MIS18A: variants seen among roughly 807,000 people sequenced by gnomAD.
MIS18A encodes MIS18 kinetochore protein A.
Under a neutral mutation model 25.0 loss-of-function variants are expected in MIS18A, and 14 were observed. That is an observed-to-expected ratio of 0.56 (90% CI 0.37 to 0.88). The LOEUF (loss-of-function observed/expected upper bound fraction) is 0.88. Among genes scored for constraint, MIS18A ranks in the 40% least tolerant of loss-of-function variants. MIS18A has a pLI of 0.00. For missense variants in MIS18A, 292 were observed against 290.8 expected (o/e 1.00, Z -0.03); for synonymous variants, 134 against 118.6 (o/e 1.13, Z -0.84).
At chr21:32,231,221 G>T in the MIS18A span, among the ~76,000 whole-genome samples, 1 of 144,436 alleles carries the variant, frequency 6.9e-6, no homozygotes, top group Admixed American at 7.0e-5. Context: ...AGGCGACACA[G>T]CGAGACCCTG....
chr21:32,273,437 C>T (rs910420781), intron 2 of MIS18A, among the ~76,000 whole-genome samples: 1 of 152,008 alleles, frequency 6.6e-6, no homozygotes. Context: ...AGAAGCCCCC[C>T]AGCCACAGTC....
the MIS18A span, among the ~76,000 whole-genome samples, chr21:32,211,337 G>C: frequency 2.0e-5 from 3 of 152,214 alleles, no homozygotes; most frequent in Non-Finnish European, 4.4e-5. Flanking sequence ...CATCATCCCT[G>C]ACTGGGCAGG....
chr21:32,203,099 AC>A, the MIS18A span, among the ~76,000 whole-genome samples: 1 of 151,890 alleles, frequency 6.6e-6, no homozygotes, highest in Non-Finnish European at 1.5e-5. Flanking sequence ...TTTTAAAAGT[AC>A]CCCCCAAATA....
At chr21:32,203,729 A>C in the MIS18A span, among the ~76,000 whole-genome samples, 1 of 142,848 alleles carries the variant, frequency 7.0e-6, no homozygotes, top group East Asian at 2.1e-4. Flanking sequence ...TGATCCTCCC[A>C]CTTCAGCCTC....
In MIS18A at chr21:32,274,889, G is replaced by C; in HGVS notation, c.342C>G (p.Ser114=). The C allele has an allele frequency of 6.2e-7, 1 of 1,611,282 alleles. No homozygotes were observed. Among genetic ancestry groups the C allele is most frequent in the Non-Finnish European group, 8.5e-7 (1 of 1,178,084 alleles). The change falls in exon 2 of 5, where the codon TCC becomes TCG. Residue 114 remains serine (S), a synonymous_variant. Transcript: ENST00000290130. ...GTTCCTTATCCACAGAAACATTACA[G>C]GAAACACCTAGAAACAGAGAAAGTA... is the stretch of plus-strand genomic sequence containing the variant. ...DTNCILLRCV[S]CNVSVDKEQK...
chr21:32,161,536 G>C, the MIS18A span, among the ~76,000 whole-genome samples: 1 of 151,804 alleles, frequency 6.6e-6, no homozygotes, highest in Admixed American at 6.6e-5. Context: ...TGTCAACCCA[G>C]GCTGGAGTGC....
chr21:32,240,012 G>A, the MIS18A span, among the ~76,000 whole-genome samples: 3 of 152,202 alleles, frequency 2.0e-5, no homozygotes, highest in Non-Finnish European at 2.9e-5. Context: ...AAATAAATAA[G>A]TAGGCATCCT....
the MIS18A span, among the ~76,000 whole-genome samples, chr21:32,229,125 CTA>C: frequency 6.6e-6 from 1 of 152,090 alleles, no homozygotes; most frequent in Admixed American, 6.6e-5. Context: ...TTCTTAATTA[CTA>C]TGTTTCTTAG....
chr21:32,273,115 CT>C (rs879786505), intron 2 of MIS18A, among the ~76,000 whole-genome samples: 1,474 of 134,186 alleles, frequency 0.011, 12 homozygotes, highest in African/African-American at 0.029. Context: ...AACTTTTTTT[CT>C]TTTTTTTTTT....
chr21:32,277,456 C>CT (rs896985640), intron 1 of MIS18A, among the ~76,000 whole-genome samples: 20 of 151,974 alleles, frequency 1.3e-4, no homozygotes, highest in African/African-American at 4.1e-4. Flanking sequence ...CTGCTTTTTT[C>CT]TTTTTTTTCT....
the MIS18A span, among the ~76,000 whole-genome samples, chr21:32,253,251 A>C: frequency 6.6e-6 from 1 of 152,128 alleles, no homozygotes; most frequent in African/African-American, 2.4e-5. Flanking sequence ...GCGTGTGGTC[A>C]GAGGCATTTC....
the MIS18A span, among the ~76,000 whole-genome samples, chr21:32,218,925 G>A: frequency 6.6e-6 from 1 of 151,928 alleles, no homozygotes; most frequent in Admixed American, 6.6e-5. Context: ...AACATTAGCT[G>A]GGTATGGTAG....
the MIS18A span, among the ~76,000 whole-genome samples, chr21:32,220,043 G>T: frequency 1.3e-5 from 2 of 152,214 alleles, no homozygotes; most frequent in African/African-American, 4.8e-5. Flanking sequence ...GCGGCTGTGG[G>T]TGCATCTTCA....
chr21:32,189,083 C>T, the MIS18A span, among the ~76,000 whole-genome samples: 1 of 151,688 alleles, frequency 6.6e-6, no homozygotes, highest in Admixed American at 6.6e-5. Flanking sequence ...ACTCCCTCAG[C>T]TTCCTCATGG....
the MIS18A span, among the ~76,000 whole-genome samples, chr21:32,211,134 G>A: frequency 1.3e-5 from 2 of 152,226 alleles, no homozygotes; most frequent in South Asian, 2.1e-4. Context: ...TTTGCCTCCC[G>A]GGTTCAAGCA....
At chr21:32,274,163 T>C (rs534641137) in intron 2 of MIS18A, among the ~76,000 whole-genome samples, 1 of 151,714 alleles carries the variant, frequency 6.6e-6, no homozygotes, top group African/African-American at 2.4e-5. Context: ...CCCTTTAACA[T>C]TGAGATTTTA....
chr21:32,241,397 C>T, the MIS18A span, among the ~76,000 whole-genome samples: 2,311 of 149,516 alleles, frequency 0.015, 58 homozygotes, highest in African/African-American at 0.054. Flanking sequence ...CTCAAGAAAG[C>T]AACAGAGCCA....
chr21:32,265,568 C>T (rs190982965), downstream of MIS18A, among the ~76,000 whole-genome samples: 276 of 152,346 alleles, frequency 1.8e-3, 6 homozygotes, highest in Admixed American at 0.014. Context: ...TGCCTTCCCG[C>T]GGGGCAGGGC....
the MIS18A span, among the ~76,000 whole-genome samples, chr21:32,234,788 G>A: frequency 2.6e-5 from 4 of 152,084 alleles, no homozygotes; most frequent in Admixed American, 2.0e-4. Context: ...GCAGATGGCC[G>A]GCACCACACT....
Sources: gnomAD v4.1 joint callset for allele counts (sites outside exome capture counted in the v4.1 genomes callset) on GRCh38, gnomAD v4.1.1 for gene constraint, MANE v1.5 for transcripts, NCBI Gene and HGNC (gene_info 2026-07-23, HGNC 2026-07-21) for gene names.